Variants in FER observed in about 807,000 individuals in gnomAD.
FER encodes the protein FER tyrosine kinase, also known as tyrosine-protein kinase Fer.
In FER, 63 loss-of-function variants were observed where a neutral mutation model predicts 111.0. The observed-to-expected ratio is 0.57, with a 90% confidence interval of 0.46 to 0.70. The LOEUF (loss-of-function observed/expected upper bound fraction) is 0.70. Ranked by LOEUF, FER falls within the 30% of genes least tolerant of loss-of-function variation. The pLI, the probability that FER is intolerant of heterozygous loss-of-function variation, is 0.00. For synonymous variants in FER, 327 were observed against 313.9 expected (o/e 1.04, Z -0.44); for missense variants, 914 against 954.0 (o/e 0.96, Z 0.55).
chr5:109,159,491 T>G (rs1755768547), intron 17 of FER, among the ~76,000 whole-genome samples: 1 of 152,208 alleles, frequency 6.6e-6, no homozygotes, highest in African/African-American at 2.4e-5. Context: ...TTGAAGTAGT[T>G]ATTTTCTTTA....
chr5:109,193,329 G>T lies in FER; in HGVS notation c.*5754G>T, dbSNP rs1027071156. On this transcript the variant is annotated 3_prime_UTR_variant, in exon 20 of 20. Coordinates refer to ENST00000281092, the MANE Select transcript of FER (RefSeq NM_005246.4). ...AGGATAGCCAGCATTCAGGAAAATT[G>T]CTGTGAACCTCCTGTTTTTAATTTT... 25 of 152,130 alleles carry T rather than the reference G, an allele frequency of 1.6e-4. No individual in the cohort carries two copies. The highest frequency in any genetic ancestry group is 3.1e-4 in the Non-Finnish European group (21 of 68,010). The allele number at this position is 152,130 out of a possible 1,614,324, so 9.4% of individuals were successfully genotyped here.
At chr5:108,877,530 G>A (rs1428581085) in intron 8 of FER, among the ~76,000 whole-genome samples, 1 of 152,150 alleles carries the variant, frequency 6.6e-6, no homozygotes, top group African/African-American at 2.4e-5. Flanking sequence ...TTGTGTCATG[G>A]TATAGATTGT....
chr5:108,883,514 T>A lies in FER; in HGVS notation c.1042T>A (p.Ser348Thr), dbSNP rs771546383. 1 of 1,592,168 alleles carries A rather than the reference T, an allele frequency of 6.3e-7. No homozygotes were observed. The highest frequency in any genetic ancestry group is 1.8e-5 in the Admixed American group (1 of 56,362). The stretch of plus-strand genomic sequence containing the variant: ...ATCTTCTGAAACTTGTGAGAAGAAG[T>A]CTGAGTGAGTAAAAGAGAAACAATT... ...EESSETCEKK[S>T]DIVLLLSQKQ... The change falls in exon 9 of 20, where the codon TCT (serine) becomes ACT (threonine). Residue 348 changes from serine to threonine, a missense_variant. Coordinates refer to ENST00000281092, the MANE Select transcript of FER (RefSeq NM_005246.4).
At chr5:109,034,087 C>A (rs1376316238) in intron 13 of FER, among the ~76,000 whole-genome samples, 1 of 152,164 alleles carries the variant, frequency 6.6e-6, no homozygotes, top group East Asian at 1.9e-4. Context: ...TGGAAACTTA[C>A]TCCTCCCATC....
chr5:109,016,871 A>G (rs1767210519), intron 13 of FER, among the ~76,000 whole-genome samples: 2 of 152,024 alleles, frequency 1.3e-5, no homozygotes, highest in Non-Finnish European at 2.9e-5. Context: ...AAATAAGGTT[A>G]TAAGAATGGC....
At chr5:108,821,854 A>C (rs112648318) in intron 3 of FER, among the ~76,000 whole-genome samples, 19 of 152,054 alleles carry the variant, frequency 1.2e-4, no homozygotes, top group Admixed American at 1.2e-3. Context: ...TCTTTTCATG[A>C]GGAGAACACT....
intron 8 of FER, among the ~76,000 whole-genome samples, chr5:108,878,301 A>G (rs1323018730): frequency 6.6e-6 from 1 of 152,194 alleles, no homozygotes; most frequent in Non-Finnish European, 1.5e-5. Flanking sequence ...AAAGGTATAC[A>G]ATAAAAATTA....
At chr5:109,018,660 T>A (rs1437721571) in intron 13 of FER, among the ~76,000 whole-genome samples, 1 of 151,642 alleles carries the variant, frequency 6.6e-6, no homozygotes, top group African/African-American at 2.4e-5. Flanking sequence ...ATGTAATCCT[T>A]TGAATCGTAT....
intron 14 of FER, among the ~76,000 whole-genome samples, chr5:109,040,787 C>G (rs1164355192): frequency 6.6e-6 from 1 of 152,014 alleles, no homozygotes; most frequent in Non-Finnish European, 1.5e-5. Flanking sequence ...AGTGAAAATT[C>G]ATCATTTAAG....
intron 13 of FER, among the ~76,000 whole-genome samples, chr5:109,022,614 A>G (rs931917624): frequency 6.6e-6 from 1 of 152,158 alleles, no homozygotes; most frequent in African/African-American, 2.4e-5. Flanking sequence ...AAGGCTAATG[A>G]CATAATATAT....
chr5:108,802,139 A>C (rs984951962), intron 3 of FER, among the ~76,000 whole-genome samples: 1 of 152,106 alleles, frequency 6.6e-6, no homozygotes, highest in African/African-American at 2.4e-5. Context: ...GGTACTACTG[A>C]ACTTATTTTT....
chr5:108,796,838 C>T (rs1005895034), intron 2 of FER, among the ~76,000 whole-genome samples: 9 of 151,982 alleles, frequency 5.9e-5, no homozygotes, highest in Admixed American at 2.6e-4. Flanking sequence ...AATTGGGGGC[C>T]GTAAGAATGT....
intron 3 of FER, among the ~76,000 whole-genome samples, chr5:108,813,113 AT>A (rs1328140586): frequency 2.0e-5 from 3 of 151,412 alleles, no homozygotes; most frequent in Non-Finnish European, 2.9e-5. Flanking sequence ...ATTGAAAAAA[AT>A]TTTTTTTTAG....
At chr5:109,072,819 A>G (rs1456408870) in intron 16 of FER, among the ~76,000 whole-genome samples, 1 of 152,110 alleles carries the variant, frequency 6.6e-6, no homozygotes, top group Non-Finnish European at 1.5e-5. Context: ...AGGTGTCACC[A>G]GGGCCATGCT....
chr5:109,040,461 C>T (rs1561812774), intron 14 of FER, among the ~76,000 whole-genome samples: 1 of 151,996 alleles, frequency 6.6e-6, no homozygotes, highest in African/African-American at 2.4e-5. Context: ...AAGTATATAC[C>T]AAGGAAGAGA....
chr5:109,173,442 C>T (rs190006277), intron 17 of FER, among the ~76,000 whole-genome samples: 69 of 152,298 alleles, frequency 4.5e-4, no homozygotes, highest in Middle Eastern at 6.8e-3. Context: ...GCTATTGAGA[C>T]GAAATAACCC....
At chr5:109,131,080 G>A (rs550480372) in intron 17 of FER, among the ~76,000 whole-genome samples, 2 of 152,206 alleles carry the variant, frequency 1.3e-5, no homozygotes, top group Admixed American at 1.3e-4. Context: ...TTGTCGCAAG[G>A]AAGTTAGAGA....
chr5:109,016,532 T>C (rs186882690), intron 13 of FER, among the ~76,000 whole-genome samples: 407 of 152,182 alleles, frequency 2.7e-3, no homozygotes, highest in African/African-American at 9.2e-3. Context: ...CACACTTGTG[T>C]ACTTTTTTGT....
chr5:108,856,311 A>G (rs995731331), intron 5 of FER, among the ~76,000 whole-genome samples: 1 of 152,180 alleles, frequency 6.6e-6, no homozygotes, highest in Admixed American at 6.5e-5. Context: ...GGTACAAACC[A>G]TTAAGTATAC....
Sources: gnomAD v4.1 joint callset for allele counts (sites outside exome capture counted in the v4.1 genomes callset) on GRCh38, gnomAD v4.1.1 for gene constraint, MANE v1.5 for transcripts, NCBI Gene and HGNC (gene_info 2026-07-23, HGNC 2026-07-21) for gene names.